Variants in C5orf24 observed in about 807,000 individuals in gnomAD.
The protein encoded by C5orf24 is chromosome 5 open reading frame 24.
C5orf24 carries 4 observed loss-of-function variants against 9.8 expected under a neutral mutation model. The ratio of observed to expected loss-of-function variants is 0.41; its 90% CI spans 0.20 to 0.93. The LOEUF (loss-of-function observed/expected upper bound fraction) is 0.93. Among genes scored for constraint, C5orf24 ranks in the 40% least tolerant of loss-of-function variants. C5orf24 has a pLI of 0.33. For synonymous variants in C5orf24, 73 were observed against 81.3 expected (o/e 0.90, Z 0.55); for missense variants, 170 against 236.9 (o/e 0.72, Z 1.85).
rs1756328955 is a variant in C5orf24 at position 134,856,884 on chromosome 5, A to G, written c.*1417A>G. Reference sequence around the variant, plus strand: ...AATATTAAGAAGCATATAGGAATCCATCTATGCATGAAACATGTAAAAAAT... The same window carrying G: ...AATATTAAGAAGCATATAGGAATCCGTCTATGCATGAAACATGTAAAAAAT... On this transcript the variant is annotated 3_prime_UTR_variant, in exon 2 of 2. Coordinates refer to ENST00000394976, the MANE Select transcript of C5orf24 (RefSeq NM_001135586.1). 1.0e-6 allele frequency: 1 copy of G among 1,000,490 alleles called. No individual in the cohort carries two copies. Among genetic ancestry groups the G allele is most frequent in the African/African-American group, 1.7e-5 (1 of 57,240 alleles). 62.0% of individuals were successfully genotyped at this position (1,000,490 alleles called of 1,614,324 possible).
chr5:134,840,779 T>A (rs750508624), upstream of C5orf24, among the ~76,000 whole-genome samples: 8 of 152,002 alleles, frequency 5.3e-5, no homozygotes, highest in Non-Finnish European at 8.8e-5. Context: ...CAAGCAGTCC[T>A]CCTGTTTCGG....
At chr5:134,835,127 G>T in the C5orf24 span, among the ~76,000 whole-genome samples, 3 of 151,760 alleles carry the variant, frequency 2.0e-5, no homozygotes, top group African/African-American at 7.3e-5. Context: ...AACTGCTCGA[G>T]CCCAGGAGGC....
intron 1 of C5orf24, among the ~76,000 whole-genome samples, chr5:134,850,439 G>T (rs1249339268): frequency 6.6e-6 from 1 of 151,452 alleles, no homozygotes; most frequent in South Asian, 2.1e-4. Flanking sequence ...GAACCACCAT[G>T]GCTGGCCAAG....
chr5:134,849,257 A>G (rs542331232), intron 1 of C5orf24, among the ~76,000 whole-genome samples: 19 of 152,218 alleles, frequency 1.2e-4, no homozygotes, highest in African/African-American at 4.6e-4. Flanking sequence ...TTCGTCTCAA[A>G]AAAAAAAAGG....
chr5:134,847,788 C>T (rs567488153), intron 1 of C5orf24, among the ~76,000 whole-genome samples: 135 of 151,794 alleles, frequency 8.9e-4, no homozygotes, highest in African/African-American at 3.2e-3. Context: ...GCAACCTCCG[C>T]CTTTGGGTTC....
In C5orf24 at chr5:134,847,643, C is replaced by T. The variant is rs373261703; in HGVS notation, c.-4+1431C>T. Among the ~76,000 whole-genome samples the T allele has an allele frequency of 3.3e-5, 5 of 151,912 alleles. No homozygotes were observed. In the East Asian group the frequency reaches 7.8e-4, roughly 24 times the overall value. The stretch of plus-strand genomic sequence containing the variant: ...CTTTAACCTTTGATAGTCTACACAA[C>T]CTGTTCTATAACTCTTGGCTTCTAT... On this transcript the variant is annotated intron_variant, in intron 1 of 1. Coordinates refer to ENST00000394976, the MANE Select transcript of C5orf24 (RefSeq NM_001135586.1).
At chr5:134,846,702 A>G (rs1473070759) in intron 1 of C5orf24, 2 of 152,218 alleles carry the variant, frequency 1.3e-5, no homozygotes, top group African/African-American at 4.8e-5. Flanking sequence ...TCGTGTCAAA[A>G]TAAGGAGAGT....
chr5:134,852,926 G>T (rs1756197586), intron 1 of C5orf24, among the ~76,000 whole-genome samples: 1 of 152,170 alleles, frequency 6.6e-6, no homozygotes, highest in Non-Finnish European at 1.5e-5. Context: ...AGCACTCTGG[G>T]AGGCCGAGGC....
upstream of C5orf24, among the ~76,000 whole-genome samples, chr5:134,845,028 A>C (rs930695331): frequency 6.6e-6 from 1 of 152,154 alleles, no homozygotes; most frequent in East Asian, 1.9e-4. Context: ...GAGCCACCGC[A>C]CCCAGGCTGT....
chr5:134,855,893 A>G lies in C5orf24; in HGVS notation c.*426A>G, dbSNP rs1379873912. 1 of 1,016,536 alleles carries G rather than the reference A, an allele frequency of 9.8e-7. No individual in the cohort carries two copies. The highest frequency in any genetic ancestry group is 1.1e-4 in the East Asian group (1 of 8,976). The allele number at this position is 1,016,536 out of a possible 1,614,324, so 63.0% of individuals were successfully genotyped here. ...GAGCAAAAAAGCAAACTAATGAATC[A>G]GGATTACTTGAGGTAATGGCTGTGT... On this transcript the variant is annotated 3_prime_UTR_variant, in exon 2 of 2. Coordinates refer to ENST00000394976, the MANE Select transcript of C5orf24 (RefSeq NM_001135586.1).
upstream of C5orf24, among the ~76,000 whole-genome samples, chr5:134,843,973 A>G (rs1348224045): frequency 1.3e-5 from 2 of 152,226 alleles, no homozygotes; most frequent in Non-Finnish European, 2.9e-5. Flanking sequence ...TGCCCAAAAT[A>G]CCATGGGAGG....
chr5:134,852,394 G>A (rs1756182480), intron 1 of C5orf24, among the ~76,000 whole-genome samples: 1 of 152,216 alleles, frequency 6.6e-6, no homozygotes, highest in South Asian at 2.1e-4. Flanking sequence ...ATCAAATTGA[G>A]ACTTTAAGCC....
chr5:134,853,120 G>A (rs1477586543), intron 1 of C5orf24, among the ~76,000 whole-genome samples: 6 of 151,794 alleles, frequency 4.0e-5, no homozygotes, highest in Admixed American at 1.3e-4. Flanking sequence ...AGCTGAGATC[G>A]CGCTACTGCA....
Position 134,857,175 on chromosome 5 carries a change from A to G in C5orf24, c.*1708A>G, listed in dbSNP as rs1330440530. On this transcript the variant is annotated 3_prime_UTR_variant, in exon 2 of 2. Transcript: ENST00000394976. ...ACTTGAAAAAATTCCACTTAACTTT[A>G]AAGTTACAATGTTTGTATTTGGGAT... 1.5e-6 allele frequency: 2 copies of G among 1,328,598 alleles called. No homozygotes were observed. Among genetic ancestry groups the G allele is most frequent in the East Asian group, 5.6e-5 (2 of 35,668 alleles). 82.3% of individuals were successfully genotyped at this position (1,328,598 alleles called of 1,614,324 possible). A position where few individuals can be genotyped will look rare whatever the true frequency, so the allele number is the denominator to read the frequency against.
At chr5:134,844,667 G>A (rs978465365), upstream of C5orf24, among the ~76,000 whole-genome samples, 3 of 151,992 alleles carry the variant, frequency 2.0e-5, no homozygotes, top group East Asian at 1.9e-4. Flanking sequence ...ATGAATCTCC[G>A]TCTGCCAAAA....
intron 1 of C5orf24, among the ~76,000 whole-genome samples, chr5:134,850,547 A>G (rs925789525): frequency 6.7e-6 from 1 of 149,322 alleles, no homozygotes; most frequent in African/African-American, 2.5e-5. Context: ...ATCTTGGCTC[A>G]TTGCAACCTC....
upstream of C5orf24, among the ~76,000 whole-genome samples, chr5:134,844,910 G>A (rs574306390): frequency 5.3e-5 from 8 of 152,114 alleles, no homozygotes; most frequent in South Asian, 1.7e-3. Context: ...ACTAATTTTC[G>A]TATTTTTAGT....
At position 134,854,935 on chromosome 5, in the gene C5orf24, T is replaced by C. The variant is rs781718375; in HGVS notation, c.35T>C (p.Phe12Ser). 3 of 1,614,142 alleles carry C rather than the reference T, an allele frequency of 1.9e-6. No individual in the cohort carries two copies. Among genetic ancestry groups the C allele is most frequent in the South Asian group, 1.1e-5 (1 of 91,072 alleles). ...CCTGTTGCCAGCAGTAATCCAGCTT[T>C]CTGTGGGCCTGGCAAGCCTTCCTGC... The part of the protein sequence containing the change: ...MHPVASSNPA[F>S]CGPGKPSCLN... Residue 12 changes from phenylalanine (F) to serine (S), a missense_variant, in exon 2 of 2, where the codon TTC becomes TCC. This residue lies in a region of C5orf24 where 93 missense variants were observed against 104.5 expected (regional missense o/e 0.89). Transcript: ENST00000394976.
intron 1 of C5orf24, among the ~76,000 whole-genome samples, chr5:134,852,667 CTT>C (rs2150174991): frequency 6.6e-6 from 1 of 152,330 alleles, no homozygotes; most frequent in East Asian, 1.9e-4. Context: ...ATTTGTGACT[CTT>C]TATAAATCCG....
Sources: allele counts gnomAD v4.1 joint callset (sites outside exome capture counted in the v4.1 genomes callset), GRCh38; gene constraint gnomAD v4.1.1; regional missense constraint gnomAD v4.1.1; transcripts MANE v1.5; gene names NCBI Gene and HGNC (gene_info 2026-07-23, HGNC 2026-07-21).